Variants in DSTYK observed in about 807,000 individuals in gnomAD.
The protein encoded by DSTYK is RIP-homologous kinase.
A neutral mutation model predicts 98.7 loss-of-function variants in DSTYK; 34 were observed. The observed-to-expected ratio is 0.34, with a 90% CI of 0.26 to 0.46. The LOEUF is 0.46. DSTYK is among the 20% of genes least tolerant of loss of function. The pLI, the probability that DSTYK is intolerant of heterozygous loss-of-function variation, is 1.00. For synonymous variants in DSTYK, 462 were observed against 457.3 expected (o/e 1.01, Z -0.13); for missense variants, 962 against 1,181.7 (o/e 0.81, Z 2.73).
In DSTYK at chr1:205,189,018, C is replaced by T. The variant is rs983660628; in HGVS notation, c.266-1212G>A. Among the ~76,000 whole-genome samples, 3 of 152,114 alleles carry T rather than the reference C, an allele frequency of 2.0e-5. No individual in the cohort carries two copies. The East Asian group carries it at 5.8e-4, about 29-fold the overall frequency. Reference sequence around the variant, plus strand: ...CCAATTACCCTGATTTGACCATTACCACATTGTTACCCACATATCGAAATA... The same window carrying T: ...CCAATTACCCTGATTTGACCATTACTACATTGTTACCCACATATCGAAATA... On this transcript the variant is annotated intron_variant, in intron 1 of 12. Coordinates refer to ENST00000367162, the MANE Select transcript of DSTYK (RefSeq NM_015375.3).
chr1:205,197,135 A>G (rs1658890878), intron 1 of DSTYK, among the ~76,000 whole-genome samples: 1 of 151,976 alleles, frequency 6.6e-6, no homozygotes, highest in Non-Finnish European at 1.5e-5. Flanking sequence ...CCTGTGATGA[A>G]AGGAAAAAAA....
At chr1:205,161,871 T>C (rs1325620925) in intron 6 of DSTYK, among the ~76,000 whole-genome samples, 165 bp downstream of exon 6, 3 of 151,742 alleles carry the variant, frequency 2.0e-5, no homozygotes, top group Non-Finnish European at 2.9e-5. Context: ...ATACTGATGA[T>C]TTTAATATAC....
intron 2 of DSTYK, among the ~76,000 whole-genome samples, chr1:205,170,264 G>A (rs1320806774): frequency 6.6e-6 from 1 of 152,132 alleles, no homozygotes; most frequent in East Asian, 1.9e-4. Flanking sequence ...CTCCATCCCT[G>A]CCATTCTGAC....
In DSTYK at chr1:205,147,755, G is replaced by A. The variant is rs781561660; in HGVS notation, c.2603-10C>T. ...CGTTCTGGGCGAGCCCCTAGAGAAA[G>A]GAGCATGGAAACAAGATCACAGTGA... On this transcript the variant is annotated splice_polypyrimidine_tract_variant and intron_variant, in intron 12 of 12. Coordinates refer to ENST00000367162, the MANE Select transcript of DSTYK (RefSeq NM_015375.3). 6.2e-7 allele frequency: 1 copy of A among 1,610,036 alleles called. No homozygotes were observed. Among genetic ancestry groups the A allele is most frequent in the Non-Finnish European group, 8.5e-7 (1 of 1,176,640 alleles).
At chr1:205,189,862 A>C (rs1658660013) in intron 1 of DSTYK, among the ~76,000 whole-genome samples, 1 of 152,206 alleles carries the variant, frequency 6.6e-6, no homozygotes, top group Non-Finnish European at 1.5e-5. Flanking sequence ...TTCAAAAACC[A>C]ACAGAGTTAA....
chr1:205,165,669 G>C (rs1295392559), intron 3 of DSTYK, among the ~76,000 whole-genome samples: 2 of 152,152 alleles, frequency 1.3e-5, no homozygotes, highest in Non-Finnish European at 2.9e-5. Context: ...CATACCCTTT[G>C]ATCTAACTAT....
At chr1:205,153,858 C>T (rs183266673) in intron 10 of DSTYK, among the ~76,000 whole-genome samples, 137 of 148,454 alleles carry the variant, frequency 9.2e-4, no homozygotes, top group African/African-American at 3.3e-3. Flanking sequence ...CATGCACACG[C>T]CTGGCTAACT....
chr1:205,173,390 C>CAAAAAAAAAAAAAAA (rs570805658), intron 2 of DSTYK: 4 of 82,602 alleles, frequency 4.8e-5, no homozygotes, highest in Non-Finnish European at 6.7e-5. Context: ...GAGACTGTCT[C>CAAAAAAAAAAAAAAA]AAAAAAAAAA....
At chr1:205,202,969 C>T (rs1659086249) in intron 1 of DSTYK, among the ~76,000 whole-genome samples, 1 of 151,736 alleles carries the variant, frequency 6.6e-6, no homozygotes, top group Non-Finnish European at 1.5e-5. Flanking sequence ...GTTCTCTTAA[C>T]CTAGTAAAAC....
rs1038376577 is a variant in DSTYK at position 205,150,933 on chromosome 1, T to C, written c.2353-139A>G. On this transcript the variant is annotated intron_variant, in intron 10 of 12. Transcript: ENST00000367162. The surrounding 1 kb of genome is among the most constrained non-coding windows in gnomAD (Gnocchi z 4.1). ...CTCTGAAAATGAGTTGTCAGGTGATTTCATCCTTGTACAAACACCAGACTG... is the reference window on the plus strand; with the variant it reads ...CTCTGAAAATGAGTTGTCAGGTGATCTCATCCTTGTACAAACACCAGACTG... 1.4e-6 allele frequency: 1 copy of C among 718,058 alleles called. No homozygotes were observed. Among genetic ancestry groups the C allele is most frequent in the Non-Finnish European group, 2.4e-6 (1 of 409,144 alleles). The allele number at this position is 718,058 out of a possible 1,614,324, so 44.5% of individuals were successfully genotyped here. A position where few individuals can be genotyped will look rare whatever the true frequency, so the allele number is the denominator to read the frequency against.
rs538195517 is a variant in DSTYK, at chr1:205,169,788, T to C, written c.699A>G (p.Thr233=). 3.1e-6 allele frequency: 5 copies of C among 1,614,132 alleles called. No individual in the cohort carries two copies. The highest frequency in any genetic ancestry group is 1.6e-4 in the Middle Eastern group (1 of 6,062). The change falls in exon 3 of 13, where the codon ACA becomes ACG. Residue 233 remains threonine, a synonymous_variant. Transcript: ENST00000367162. The surrounding 1 kb of genome is among the most constrained non-coding windows in gnomAD (Gnocchi z 4.0). ...TCACCAAGTCACCCAGAACATCCAC[T>C]GTGGGCCGGAGGCCTTGGCATGGTG... ...VVAPCQGLRP[T]VDVLGDLVND...
chr1:205,207,737 T>C (rs12036207), intron 1 of DSTYK, among the ~76,000 whole-genome samples: 55,241 of 100,680 alleles, frequency 0.55, 16,019 homozygotes, highest in Middle Eastern at 0.66. Flanking sequence ...GCCTGGGCAA[T>C]ACAGAGAGAC....
chr1:205,162,326 T>C lies in DSTYK; in HGVS notation c.1642-114A>G, dbSNP rs1657751723. The C allele has an allele frequency of 2.4e-6, 3 of 1,270,520 alleles. No individual in the cohort carries two copies. In the South Asian group the frequency reaches 4.5e-5, roughly 19 times the overall value. 78.7% of individuals were successfully genotyped at this position (1,270,520 alleles called of 1,614,324 possible). On this transcript the variant is annotated intron_variant, in intron 5 of 12. Coordinates refer to ENST00000367162, the MANE Select transcript of DSTYK (RefSeq NM_015375.3). Reference sequence around the variant, plus strand: ...ATTCATTAAGAGCAGGCTCATAAGATGGGAGCCATACGAAGTCCAAAGTTC... The same window carrying C: ...ATTCATTAAGAGCAGGCTCATAAGACGGGAGCCATACGAAGTCCAAAGTTC...
In DSTYK at chr1:205,169,130, T is replaced by C; in HGVS notation, c.1324+33A>G. Reference sequence around the variant, plus strand: ...AGAAAATGGTTAGAGACTCCTCCCGTGCCAGCACCCCAACAAGCTCTCTGG... The same window carrying C: ...AGAAAATGGTTAGAGACTCCTCCCGCGCCAGCACCCCAACAAGCTCTCTGG... On this transcript the variant is annotated intron_variant, in intron 3 of 12. Transcript: ENST00000367162. The surrounding 1 kb of genome is among the most constrained non-coding windows in gnomAD (Gnocchi z 4.0). The C allele has an allele frequency of 1.3e-6, 2 of 1,533,010 alleles. No individual in the cohort carries two copies. Among genetic ancestry groups the C allele is most frequent in the South Asian group, 2.6e-5 (2 of 77,860 alleles). The allele number at this position is 1,533,010 out of a possible 1,614,324, so 95.0% of individuals were successfully genotyped here.
At chr1:205,154,969 A>AATCT (rs76654983) in intron 10 of DSTYK, among the ~76,000 whole-genome samples, 10 of 147,778 alleles carry the variant, frequency 6.8e-5, no homozygotes, top group Non-Finnish European at 1.5e-4. Flanking sequence ...TGGTGGAAGA[A>AATCT]ATTTATTTAT....
At chr1:205,155,720 T>TC (rs1657539107) in intron 10 of DSTYK, among the ~76,000 whole-genome samples, 1 of 151,882 alleles carries the variant, frequency 6.6e-6, no homozygotes. Context: ...GGGGAGAAAT[T>TC]CAAGCCTGCT....
chr1:205,162,136 A>G lies in DSTYK; in HGVS notation c.1718T>C (p.Ile573Thr). 1 of 1,614,146 alleles carries G rather than the reference A, an allele frequency of 6.2e-7. No individual in the cohort carries two copies. The highest frequency in any genetic ancestry group is 8.5e-7 in the Non-Finnish European group (1 of 1,180,010). Residue 573 changes from isoleucine (I) to threonine (T), a missense_variant, in exon 6 of 13, where the codon ATT (isoleucine) becomes ACT (threonine). This residue lies in a region of DSTYK where 660 missense variants were observed against 855.0 expected (regional missense o/e 0.77). Coordinates refer to ENST00000367162, the MANE Select transcript of DSTYK (RefSeq NM_015375.3). ...EWKRKVAQEA[I>T]ESLSASKLAK... is the part of the protein sequence containing the mutation. ...CAATTTGGAGGCGCTGAGGCTCTCAATGGCTTCCTGGGCCACCTTCCTCTT... is the reference window on the plus strand; with the variant it reads ...CAATTTGGAGGCGCTGAGGCTCTCAGTGGCTTCCTGGGCCACCTTCCTCTT...
intron 1 of DSTYK, among the ~76,000 whole-genome samples, chr1:205,189,009 G>C (rs772398665): frequency 1.3e-5 from 2 of 152,030 alleles, no homozygotes; most frequent in Non-Finnish European, 2.9e-5. Context: ...ACCCTGATTT[G>C]ACCATTACCA....
intron 2 of DSTYK, among the ~76,000 whole-genome samples, chr1:205,176,476 TAAAAAAAAAAAAAAAAAA>T (rs61291677): frequency 0.1 from 4,529 of 43,834 alleles, 377 homozygotes; most frequent in African/African-American, 0.26. Flanking sequence ...AACTCCCTCT[TAAAAAAAAAAAAAAAAAA>T]AAAAAAAAAA....
Sources: allele counts gnomAD v4.1 joint callset (sites outside exome capture counted in the v4.1 genomes callset), GRCh38; gene constraint gnomAD v4.1.1; regional missense constraint gnomAD v4.1.1; non-coding constraint Gnocchi (gnomAD v3.1); transcripts MANE v1.5; gene names NCBI Gene and HGNC (gene_info 2026-07-23, HGNC 2026-07-21).